ADCY6: variants seen among roughly 807,000 people sequenced by gnomAD.
The protein encoded by ADCY6 is adenylate cyclase type 6.
Under a neutral mutation model 111.6 loss-of-function variants are expected in ADCY6, and 59 were observed. The observed-to-expected ratio is 0.53, with a 90% CI of 0.43 to 0.66. The LOEUF (loss-of-function observed/expected upper bound fraction) is 0.66. Among genes scored for constraint, ADCY6 ranks in the 30% least tolerant of loss-of-function variants. The probability of loss-of-function intolerance (pLI) is 0.00; values close to 1 mark genes in which losing one functional copy is unlikely to be tolerated. For missense variants in ADCY6, 1,242 were observed against 1,595.6 expected (o/e 0.78, Z 3.78); for synonymous variants, 576 against 642.9 (o/e 0.90, Z 1.57).
Position 48,768,428 on chromosome 12 carries a change from A to C in ADCY6, c.*163T>G. 1.0e-6 allele frequency: 1 copy of C among 993,532 alleles called. No individual in the cohort carries two copies. The highest frequency in any genetic ancestry group is 1.5e-5 in the South Asian group (1 of 68,106). The allele number at this position is 993,532 out of a possible 1,614,324, so 61.5% of individuals were successfully genotyped here. A position where few individuals can be genotyped will look rare whatever the true frequency, so the allele number is the denominator to read the frequency against. ...AGGTAGCCCCTTGTTTTCCAGCTTGAGGGCAGACGAGCATGATCCAAGCAC... is the reference window on the plus strand; with the variant it reads ...AGGTAGCCCCTTGTTTTCCAGCTTGCGGGCAGACGAGCATGATCCAAGCAC... On this transcript the variant is annotated 3_prime_UTR_variant, in exon 22 of 22. Coordinates refer to ENST00000357869, the MANE Select transcript of ADCY6 (RefSeq NM_015270.5).
chr12:48,777,070 A>T lies in ADCY6; in HGVS notation c.1376+34T>A, dbSNP rs1191158313. On this transcript the variant is annotated intron_variant, in intron 6 of 21. Transcript: ENST00000357869. The surrounding 1 kb of genome is among the most constrained non-coding windows in gnomAD (Gnocchi z 4.9). Reference sequence around the variant, plus strand: ...GTAGGAGCAGTCTGGGGCACCCGCAATTCCAGGAAGCCTAGGAATGGGGCA... The same window carrying T: ...GTAGGAGCAGTCTGGGGCACCCGCATTTCCAGGAAGCCTAGGAATGGGGCA... The T allele has an allele frequency of 7.7e-6, 12 of 1,551,148 alleles. No individual in the cohort carries two copies. The highest frequency in any genetic ancestry group is 8.7e-6 in the Non-Finnish European group (10 of 1,147,586).
Position 48,777,513 on chromosome 12 carries a change from A to G in ADCY6, c.1145T>C (p.Phe382Ser), listed in dbSNP as rs1440954410. 8 of 1,614,122 alleles carry G rather than the reference A, an allele frequency of 5.0e-6. No individual in the cohort carries two copies. Among genetic ancestry groups the G allele is most frequent in the South Asian group, 1.1e-5 (1 of 91,090 alleles). The stretch of plus-strand genomic sequence containing the variant: ...GCTGGTGAAGCCCTCAATGTCTGCA[A>G]ACAGGATGCTGTAGATGACAGCAGA... ...IQKHDNVSIL[F>S]ADIEGFTSLA... is the part of the protein sequence containing the mutation. The change falls in exon 5 of 22, where the codon TTT (phenylalanine) becomes TCT (serine). Residue 382 changes from phenylalanine (F) to serine (S), a missense_variant. Phe to Ser is a radical substitution (Grantham distance 155, BLOSUM62 -2). Transcript: ENST00000357869. The surrounding 1 kb of genome is among the most constrained non-coding windows in gnomAD (Gnocchi z 4.9).
In ADCY6 at chr12:48,783,289, T is replaced by A. The variant is rs776964588; in HGVS notation, c.146A>T (p.Asp49Val). Residue 49 changes from aspartate (D) to valine (V), a missense_variant, in exon 2 of 22, where the codon GAT (aspartate) becomes GTT (valine). By Grantham distance (152) the Asp-to-Val change is radical. Around this residue, in one of 4 missense-constraint regions of ADCY6, gnomAD observed 362 missense variants for 377.2 expected, o/e 0.96. Coordinates refer to ENST00000357869, the MANE Select transcript of ADCY6 (RefSeq NM_015270.5). ...AGGGGTGGGGCTGGGTGGCTCTGCATCCCGGAGGCAGCTCATATAGCGGGG... is the reference window on the plus strand; with the variant it reads ...AGGGGTGGGGCTGGGTGGCTCTGCAACCCGGAGGCAGCTCATATAGCGGGG... Reference protein sequence around the residue: ...CTPRYMSCLRDAEPPSPTPAG... With the variant: ...CTPRYMSCLRVAEPPSPTPAG... 16 of 1,612,846 alleles carry A rather than the reference T, an allele frequency of 9.9e-6. No individual in the cohort carries two copies. Among genetic ancestry groups the A allele is most frequent in the Non-Finnish European group, 1.4e-5 (16 of 1,179,602 alleles).
intron 21 of ADCY6, 105 bp from the exon 22 acceptor site, chr12:48,768,821 GC>G: frequency 6.4e-7 from 1 of 1,552,196 alleles, no homozygotes; most frequent in Non-Finnish European, 8.7e-7. Flanking sequence ...CCCAGTCCCT[GC>G]CCCACCATAC....
At chr12:48,775,147 G>T (rs1941661992) in intron 11 of ADCY6, 93 bp from the exon 12 acceptor site, 23 of 1,439,598 alleles carry the variant, frequency 1.6e-5, no homozygotes, top group Non-Finnish European at 2.0e-5. Flanking sequence ...TCAACAGGGA[G>T]GAGATGCAGT....
chr12:48,787,652 G>A lies in ADCY6; in HGVS notation c.-5+1254C>T, dbSNP rs1010956585. On this transcript the variant is annotated intron_variant, in intron 1 of 21. Coordinates refer to ENST00000357869, the MANE Select transcript of ADCY6 (RefSeq NM_015270.5). ...AGCAACCCATCACTATGAGCCCTGG[G>A]AGCACAGACCACCTCCCTCCTCCCC... 2.0e-5 allele frequency among the ~76,000 whole-genome samples: 3 copies of A among 152,132 alleles called. No individual in the cohort carries two copies. In the East Asian group the frequency reaches 5.8e-4, roughly 29 times the overall value.
chr12:48,779,673 T>C (rs1030469678), intron 2 of ADCY6, among the ~76,000 whole-genome samples: 1 of 152,148 alleles, frequency 6.6e-6, no homozygotes, highest in Non-Finnish European at 1.5e-5. Context: ...CTGGCCTCAG[T>C]GTTTCTGGAA....
chr12:48,784,023 A>C (rs1218643586), intron 1 of ADCY6: 1 of 155,842 alleles, frequency 6.4e-6, no homozygotes, highest in African/African-American at 2.4e-5. Flanking sequence ...CAGAGGTTGC[A>C]GTGAGCAAAG....
Position 48,770,902 on chromosome 12 carries a change from G to C in ADCY6, c.3120C>G (p.Ala1040=). The C allele has an allele frequency of 6.2e-7, 1 of 1,614,236 alleles. No individual in the cohort carries two copies. The highest frequency in any genetic ancestry group is 8.5e-7 in the Non-Finnish European group (1 of 1,180,046). ...CGTAGGTGCTGGCGTTCAGCCCTGA[G>C]GCAGCCATGTAGGTGCTACCAATCG... The part of the protein sequence containing the change: ...IKTIGSTYMA[A]SGLNASTYDQ... The change falls in exon 20 of 22, where the codon GCC becomes GCG. Residue 1040 remains alanine, a synonymous_variant. Transcript: ENST00000357869.
At position 48,775,389 on chromosome 12, in the gene ADCY6, T is replaced by A; in HGVS notation, c.1894A>T (p.Ile632Phe). Residue 632 changes from isoleucine to phenylalanine, a missense_variant, in exon 11 of 22, where the codon ATC (isoleucine) becomes TTC (phenylalanine). Physicochemically the swap from Ile to Phe is conservative, Grantham distance 21. Transcript: ENST00000357869. ...DEVDEFLSRAIDARSIDQLRK... is the reference protein window; with the variant it reads ...DEVDEFLSRAFDARSIDQLRK... ...AGCTGATCAATGCTGCGGGCATCGATGGCACGGCTCAGGAACTCATCCACC... is the reference window on the plus strand; with the variant it reads ...AGCTGATCAATGCTGCGGGCATCGAAGGCACGGCTCAGGAACTCATCCACC... 6.2e-7 allele frequency: 1 copy of A among 1,614,128 alleles called. No homozygotes were observed. Among genetic ancestry groups the A allele is most frequent in the African/African-American group, 1.3e-5 (1 of 75,022 alleles).
chr12:48,771,868 G>C lies in ADCY6; in HGVS notation c.2893C>G (p.Arg965Gly). Residue 965 changes from arginine (R) to glycine (G), a missense_variant, in exon 19 of 22, where the codon CGC (arginine) becomes GGC (glycine). Arg to Gly is a moderately radical substitution (Grantham distance 125, BLOSUM62 -2). Transcript: ENST00000357869. The surrounding 1 kb of genome is among the most constrained non-coding windows in gnomAD (Gnocchi z 4.3). ...TGATAGTAGAGTTCATCATTGCGGC[G>C]CTCCCGGGCCAGGAAGTGGGCCGCC... Reference protein sequence around the residue: ...DVAAHFLARERRNDELYYQSC... With the variant: ...DVAAHFLAREGRNDELYYQSC... 1 of 1,614,138 alleles carries C rather than the reference G, an allele frequency of 6.2e-7. No homozygotes were observed. The highest frequency in any genetic ancestry group is 8.5e-7 in the Non-Finnish European group (1 of 1,180,042).
Position 48,777,429 on chromosome 12 carries a change from C to T in ADCY6, c.1229G>A (p.Arg410Gln), listed in dbSNP as rs1306692531. 2.5e-6 allele frequency: 4 copies of T among 1,614,096 alleles called. No individual in the cohort carries two copies. The highest frequency in any genetic ancestry group is 1.3e-5 in the African/African-American group (1 of 74,944). Reference protein sequence around the residue: ...LVMTLNELFARFDKLAAENHC... With the variant: ...LVMTLNELFAQFDKLAAENHC... ...CCTCACCGCAGCCAGCTTGTCAAACCGGGCAAAGAGCTCATTCAGGGTCAT... is the reference window on the plus strand; with the variant it reads ...CCTCACCGCAGCCAGCTTGTCAAACTGGGCAAAGAGCTCATTCAGGGTCAT... Residue 410 changes from arginine to glutamine, a missense_variant, in exon 5 of 22, where the codon CGG becomes CAG. By Grantham distance (43) the Arg-to-Gln change is conservative. This residue lies in a region of ADCY6 where 260 missense variants were observed against 414.6 expected (regional missense o/e 0.63). Coordinates refer to ENST00000357869, the MANE Select transcript of ADCY6 (RefSeq NM_015270.5). This position sits in a 1 kb window ranked among gnomAD's most constrained non-coding sequence, Gnocchi z 4.9.
rs1036057492 is a variant in ADCY6, at chr12:48,783,351, C to A, written c.84G>T (p.Ser28=). 6.2e-7 allele frequency: 1 copy of A among 1,614,032 alleles called. No homozygotes were observed. The highest frequency in any genetic ancestry group is 1.7e-5 in the Admixed American group (1 of 60,010). Residue 28 remains serine, a synonymous_variant, in exon 2 of 22, where the codon TCG becomes TCT. Transcript: ENST00000357869. ...AWGERNGQKR[S]RRRGTRAGGF... is the part of the protein sequence containing the mutation. ...CACCTGCCCGAGTGCCACGGCGCCG[C>A]GAACGCTTCTGCCCATTGCGTTCAC...
At chr12:48,779,772 A>C (rs1941796626) in intron 2 of ADCY6, among the ~76,000 whole-genome samples, 1 of 152,194 alleles carries the variant, frequency 6.6e-6, no homozygotes, top group Non-Finnish European at 1.5e-5. Context: ...GAAACAGCAG[A>C]AGCACTTCCT....
rs769318853 is a variant in ADCY6, at chr12:48,776,328, T to G, written c.1558A>C (p.Thr520Pro). The change falls in exon 8 of 22, where the codon ACA becomes CCA. Residue 520 changes from threonine to proline, a missense_variant. Thr to Pro is a conservative substitution (Grantham distance 38, BLOSUM62 -1). Around this residue, in one of 4 missense-constraint regions of ADCY6, gnomAD observed 260 missense variants for 414.6 expected, o/e 0.63. Coordinates refer to ENST00000357869, the MANE Select transcript of ADCY6 (RefSeq NM_015270.5). The surrounding 1 kb of genome is among the most constrained non-coding windows in gnomAD (Gnocchi z 6.1). ...TAGTCCCCGTTCAGGTACTGCAGTGTTGCCCGAGTGATGTGGATGCGGCTG... is the reference window on the plus strand; with the variant it reads ...TAGTCCCCGTTCAGGTACTGCAGTGGTGCCCGAGTGATGTGGATGCGGCTG... ...RAGRIHITRA[T>P]LQYLNGDYEV... 8 of 1,614,226 alleles carry G rather than the reference T, an allele frequency of 5.0e-6. No individual in the cohort carries two copies. Among genetic ancestry groups the G allele is most frequent in the Admixed American group, 1.7e-5 (1 of 60,030 alleles).
rs770696433 is a variant in ADCY6, at chr12:48,775,404, A to G, written c.1879T>C (p.Phe627Leu). The G allele has an allele frequency of 1.2e-6, 2 of 1,614,010 alleles. No individual in the cohort carries two copies. Among genetic ancestry groups the G allele is most frequent in the Non-Finnish European group, 1.7e-6 (2 of 1,180,008 alleles). Residue 627 changes from phenylalanine to leucine, a missense_variant, in exon 11 of 22, where the codon TTC becomes CTC. Physicochemically the swap from Phe to Leu is conservative, Grantham distance 22. This residue lies in a region of ADCY6 where 375 missense variants were observed against 432.5 expected (regional missense o/e 0.87). Coordinates refer to ENST00000357869, the MANE Select transcript of ADCY6 (RefSeq NM_015270.5). ...CGGGCATCGATGGCACGGCTCAGGAACTCATCCACCTCATCCTCAGGGTTC... is the reference window on the plus strand; with the variant it reads ...CGGGCATCGATGGCACGGCTCAGGAGCTCATCCACCTCATCCTCAGGGTTC... ...ALNPEDEVDE[F>L]LSRAIDARSI...
In ADCY6 at chr12:48,775,673, T is replaced by C. The variant is rs1263054314; in HGVS notation, c.1832A>G (p.Asn611Ser). Residue 611 changes from asparagine to serine, a missense_variant and splice_region_variant, in exon 10 of 22, where the codon AAC becomes AGC. Physicochemically the swap from Asn to Ser is conservative, Grantham distance 46. This residue lies in a region of ADCY6 where 375 missense variants were observed against 432.5 expected (regional missense o/e 0.87). Coordinates refer to ENST00000357869, the MANE Select transcript of ADCY6 (RefSeq NM_015270.5). ...QMGIDDSSKD[N>S]RGTQDALNPE... ...CTCCCTCCTCAGTAACCTGACTTAC[T>C]TGTCTTTGCTGGAATCATCAATGCC... The C allele has an allele frequency of 6.2e-7, 1 of 1,613,364 alleles. No individual in the cohort carries two copies.
chr12:48,769,516 C>T (rs184846741), intron 20 of ADCY6, among the ~76,000 whole-genome samples: 209 of 151,152 alleles, frequency 1.4e-3, no homozygotes, highest in Admixed American at 3.0e-3. Context: ...CATGCTATAA[C>T]AGTAATCTCC....
At chr12:48,778,451 TGCCTGA>T in intron 2 of ADCY6, 194 bp from the exon 3 acceptor site, 1 of 620,310 alleles carries the variant, frequency 1.6e-6, no homozygotes, top group South Asian at 2.0e-5. Flanking sequence ...CCCAGCCAAC[TGCCTGA>T]ATCCTCCATG....
Sources: gnomAD v4.1 joint callset for allele counts (sites outside exome capture counted in the v4.1 genomes callset) on GRCh38, gnomAD v4.1.1 for gene constraint, gnomAD v4.1.1 regional missense constraint, Gnocchi (gnomAD v3.1) non-coding constraint, MANE v1.5 for transcripts, NCBI Gene and HGNC (gene_info 2026-07-23, HGNC 2026-07-21) for gene names.